SNX2: variants seen among roughly 807,000 people sequenced by gnomAD.
SNX2 encodes the protein sorting nexin 2, also known as sorting nexin-2.
Under a neutral mutation model 69.9 loss-of-function variants are expected in SNX2, and 25 were observed. The observed-to-expected ratio is 0.36, with a 90% CI of 0.26 to 0.50. The LOEUF (loss-of-function observed/expected upper bound fraction) is 0.50. SNX2 is among the 20% of genes least tolerant of loss of function. The pLI is 0.97. For missense variants in SNX2, 551 were observed against 613.3 expected (o/e 0.90, Z 1.07); for synonymous variants, 229 against 200.4 (o/e 1.14, Z -1.20).
chr5:122,829,775 TACACACAC>T lies in SNX2; in HGVS notation c.*156_*163del, dbSNP rs3990570. The T allele has an allele frequency of 0.05, 26,094 of 521,412 alleles. 200 individuals are homozygous for T. Among genetic ancestry groups the T allele is most frequent in the Middle Eastern group, 0.08 (219 of 2,724 alleles). 32.3% of individuals were successfully genotyped at this position (521,412 alleles called of 1,614,324 possible). A position where few individuals can be genotyped will look rare whatever the true frequency, so the allele number is the denominator to read the frequency against. On this transcript the variant is annotated 3_prime_UTR_variant, in exon 15 of 15. Coordinates refer to ENST00000379516, the MANE Select transcript of SNX2 (RefSeq NM_003100.4). ...TTTATGAATTACATGTGGTTTTATA[TACACACAC>T]ACACACACACACACACACACACACA... is the stretch of plus-strand genomic sequence containing the variant.
Position 122,809,006 on chromosome 5 carries a change from A to T in SNX2, c.722+651A>T, listed in dbSNP as rs895441762. 6.6e-5 allele frequency among the ~76,000 whole-genome samples: 10 copies of T among 151,998 alleles called. No homozygotes were observed. In the East Asian group the frequency reaches 1.7e-3, roughly 26 times the overall value. On this transcript the variant is annotated intron_variant, in intron 7 of 14. Coordinates refer to ENST00000379516, the MANE Select transcript of SNX2 (RefSeq NM_003100.4). ...TGCTTGAGTTGACTATATACAGTTG[A>T]CCCTCCATATCTGTGGGTGCCTTAT...
intron 11 of SNX2, among the ~76,000 whole-genome samples, chr5:122,822,615 T>C (rs1482786240): frequency 6.6e-6 from 1 of 152,218 alleles, no homozygotes; most frequent in East Asian, 1.9e-4. Flanking sequence ...AGCTACATTT[T>C]ACCCATTTCA....
At chr5:122,803,313 G>T (rs1753557397) in intron 5 of SNX2, among the ~76,000 whole-genome samples, 159 bp from the exon 6 acceptor site, 1 of 151,198 alleles carries the variant, frequency 6.6e-6, no homozygotes, top group South Asian at 2.1e-4. Flanking sequence ...TATGGTTTAG[G>T]TTTTTTTTTT....
Position 122,817,031 on chromosome 5 carries a change from AAG to A in SNX2, c.912+6_912+7del. ...TCAAGATGAATGAATCGGATGCAGT[AAG>A]AGCTGATTTTTCGGCTTGAATAATG... On this transcript the variant is annotated splice_donor_5th_base_variant and intron_variant, in intron 9 of 14. Transcript: ENST00000379516. The A allele has an allele frequency of 6.2e-7, 1 of 1,605,562 alleles. No individual in the cohort carries two copies. Among genetic ancestry groups the A allele is most frequent in the Non-Finnish European group, 8.5e-7 (1 of 1,172,520 alleles).
chr5:122,816,891 C>A (rs1198194529), intron 8 of SNX2, 24 bp from the exon 9 acceptor site: 2 of 1,467,338 alleles, frequency 1.4e-6, no homozygotes, highest in Non-Finnish European at 1.9e-6. Context: ...GGTTTGTTTG[C>A]CCTTATTTGT....
intron 5 of SNX2, 34 bp downstream of exon 5, chr5:122,802,158 G>T (rs200195536): frequency 2.2e-5 from 35 of 1,578,578 alleles, no homozygotes; most frequent in Non-Finnish European, 2.8e-5. Flanking sequence ...AAACTATCGA[G>T]CCCTCATTAT....
intron 6 of SNX2, among the ~76,000 whole-genome samples, chr5:122,806,142 GCACACACACACA>G (rs139834252): frequency 7.7e-6 from 1 of 130,582 alleles, no homozygotes; most frequent in East Asian, 2.1e-4. Context: ...ACACGCGCGC[GCACACACACACA>G]CACACACACA....
rs373201461 is a variant in SNX2, at chr5:122,821,844, G to C, written c.1212+2821G>C. Among the ~76,000 whole-genome samples, 3 of 152,106 alleles carry C rather than the reference G, an allele frequency of 2.0e-5. No individual in the cohort carries two copies. In the East Asian group the frequency reaches 5.8e-4, roughly 29 times the overall value. Reference sequence around the variant, plus strand: ...ATAGTCTAGTCTTTTAAAAAATCAAGTGTTTTGATAACTCTTTGGACATAA... The same window carrying C: ...ATAGTCTAGTCTTTTAAAAAATCAACTGTTTTGATAACTCTTTGGACATAA... On this transcript the variant is annotated intron_variant, in intron 11 of 14. Transcript: ENST00000379516.
chr5:122,823,224 C>T lies in SNX2; in HGVS notation c.1213-2826C>T, dbSNP rs115029381. Among the ~76,000 whole-genome samples the T allele has an allele frequency of 9.0e-3, 1,368 of 152,184 alleles. 15 individuals carry two copies. The highest frequency in any genetic ancestry group is 0.031 in the African/African-American group (1,300 of 41,520). ...TGACATACAAAGGGACACATTGTTA[C>T]GATTTAATTGATTTAATATAGCATT... On this transcript the variant is annotated intron_variant, in intron 11 of 14. Transcript: ENST00000379516.
intron 2 of SNX2, among the ~76,000 whole-genome samples, chr5:122,797,510 AT>A: frequency 6.6e-6 from 1 of 152,308 alleles, no homozygotes; most frequent in East Asian, 1.9e-4. Flanking sequence ...CTTGGTTCTT[AT>A]TTATAATACA....
At chr5:122,791,290 C>CT (rs35993660) in intron 1 of SNX2, among the ~76,000 whole-genome samples, 12 of 150,284 alleles carry the variant, frequency 8.0e-5, no homozygotes, top group Non-Finnish European at 1.5e-4. Flanking sequence ...TGCCCGGCTA[C>CT]TTTTTTTTTG....
intron 7 of SNX2, among the ~76,000 whole-genome samples, chr5:122,814,138 T>C (rs1753846138): frequency 6.6e-6 from 1 of 152,202 alleles, no homozygotes; most frequent in South Asian, 2.1e-4. Context: ...AGTATCTGAG[T>C]GCCTGCTATT....
chr5:122,818,786 A>C (rs757352249), intron 10 of SNX2, 32 bp from the exon 11 acceptor site: 2 of 1,577,334 alleles, frequency 1.3e-6, no homozygotes, highest in Admixed American at 3.5e-5. Context: ...ATGAGTGAAC[A>C]CTAAAATTGC....
chr5:122,829,813 CTG>C lies in SNX2; in HGVS notation c.*166_*167del. ...ACACACACACACACACACACACACT[CTG>C]ACATTTTATTACAAGCTGCATGTCC... is the stretch of plus-strand genomic sequence containing the variant. On this transcript the variant is annotated 3_prime_UTR_variant, in exon 15 of 15. Coordinates refer to ENST00000379516, the MANE Select transcript of SNX2 (RefSeq NM_003100.4). 2.3e-5 allele frequency: 14 copies of C among 603,952 alleles called. No homozygotes were observed. The highest frequency in any genetic ancestry group is 1.2e-4 in the Admixed American group (4 of 34,354). The allele number at this position is 603,952 out of a possible 1,614,324, so 37.4% of individuals were successfully genotyped here.
chr5:122,825,752 C>T lies in SNX2; in HGVS notation c.1213-298C>T, dbSNP rs1043887033. 5.9e-5 allele frequency among the ~76,000 whole-genome samples: 9 copies of T among 152,016 alleles called. No individual in the cohort carries two copies. In the South Asian group the frequency reaches 6.2e-4, roughly 10 times the overall value. ...TTAAAGACATCTTCAAAGCATAAAA[C>T]GCTGTTATAAATCTTATAAACCATA... On this transcript the variant is annotated intron_variant, in intron 11 of 14. Coordinates refer to ENST00000379516, the MANE Select transcript of SNX2 (RefSeq NM_003100.4).
At chr5:122,814,128 A>C (rs1753845608) in intron 7 of SNX2, among the ~76,000 whole-genome samples, 1 of 152,176 alleles carries the variant, frequency 6.6e-6, no homozygotes, top group Non-Finnish European at 1.5e-5. Flanking sequence ...GTTTTTTACA[A>C]GTATCTGAGT....
intron 3 of SNX2, among the ~76,000 whole-genome samples, chr5:122,800,913 A>G (rs1439391289): frequency 6.6e-6 from 1 of 152,150 alleles, no homozygotes; most frequent in Non-Finnish European, 1.5e-5. Flanking sequence ...TAATGTTTGG[A>G]TTGCTTATTT....
At chr5:122,804,392 G>A (rs1475812312) in intron 6 of SNX2, among the ~76,000 whole-genome samples, 1 of 141,588 alleles carries the variant, frequency 7.1e-6, no homozygotes, top group Admixed American at 7.1e-5. Flanking sequence ...TTGAGATGGA[G>A]TCTCACTCTG....
At chr5:122,820,518 G>A (rs1156657543) in intron 11 of SNX2, among the ~76,000 whole-genome samples, 1 of 151,700 alleles carries the variant, frequency 6.6e-6, no homozygotes, top group African/African-American at 2.4e-5. Flanking sequence ...CCTGGCGACA[G>A]AGACTCCATC....
Sources: allele counts gnomAD v4.1 joint callset (sites outside exome capture counted in the v4.1 genomes callset), GRCh38; gene constraint gnomAD v4.1.1; transcripts MANE v1.5; gene names NCBI Gene and HGNC (gene_info 2026-07-23, HGNC 2026-07-21).